The following MACROD2 variants were observed in gnomAD, a reference collection of about 807,000 sequenced individuals.
MACROD2 encodes mono-ADP ribosylhydrolase 2.
In MACROD2, 36 loss-of-function variants were observed where a neutral mutation model predicts 70.4. The observed-to-expected ratio is 0.51, with a 90% CI of 0.39 to 0.68. The LOEUF (loss-of-function observed/expected upper bound fraction) is 0.68. Among genes scored for constraint, MACROD2 ranks in the 30% least tolerant of loss-of-function variants. The pLI is 0.00. For missense variants in MACROD2, 496 were observed against 538.4 expected (o/e 0.92, Z 0.78); for synonymous variants, 172 against 178.8 (o/e 0.96, Z 0.30).
rs190959357 is a variant in MACROD2 at position 14,696,965 on chromosome 20, C to A, written c.418+12006C>A. On this transcript the variant is annotated intron_variant, in intron 5 of 17. Coordinates refer to ENST00000684519, the MANE Select transcript of MACROD2 (RefSeq NM_001351661.2). Reference sequence around the variant, plus strand: ...TACATATACATGTCATCTCTCATGACCTTCATTCTCATGTAGAACATATAT... The same window carrying A: ...TACATATACATGTCATCTCTCATGAACTTCATTCTCATGTAGAACATATAT... Among the ~76,000 whole-genome samples the A allele has an allele frequency of 1.7e-3, 255 of 152,250 alleles. 2 individuals carry two copies. The highest frequency in any genetic ancestry group is 3.0e-3 in the Non-Finnish European group (201 of 68,014).
At chr20:14,866,336 A>G (rs796807239) in intron 5 of MACROD2, among the ~76,000 whole-genome samples, 2 of 152,098 alleles carry the variant, frequency 1.3e-5, no homozygotes, top group South Asian at 4.2e-4. Context: ...ACCTTTAGTT[A>G]ATTGATCACA....
intron 3 of MACROD2, among the ~76,000 whole-genome samples, chr20:14,468,594 C>G (rs2084487972): frequency 6.6e-6 from 1 of 151,734 alleles, no homozygotes; most frequent in Admixed American, 6.6e-5. Flanking sequence ...CTCACTGCAA[C>G]CTCCGCCTCC....
At chr20:15,453,480 T>C (rs2046672670) in intron 7 of MACROD2, among the ~76,000 whole-genome samples, 1 of 152,216 alleles carries the variant, frequency 6.6e-6, no homozygotes, top group Non-Finnish European at 1.5e-5. Flanking sequence ...GCTTGTACAC[T>C]GACTGAATTG....
At chr20:15,809,045 C>T (rs1167393601) in intron 8 of MACROD2, among the ~76,000 whole-genome samples, 1 of 152,210 alleles carries the variant, frequency 6.6e-6, no homozygotes, top group Non-Finnish European at 1.5e-5. Context: ...CAAGAACTAT[C>T]ACTCTTATCC....
At chr20:15,376,253 T>A (rs2045560745) in intron 6 of MACROD2, among the ~76,000 whole-genome samples, 1 of 152,152 alleles carries the variant, frequency 6.6e-6, no homozygotes, top group African/African-American at 2.4e-5. Flanking sequence ...TTATAACTCT[T>A]TGGATGCTTA....
intron 5 of MACROD2, among the ~76,000 whole-genome samples, chr20:14,820,372 T>G (rs1189780086): frequency 6.6e-6 from 1 of 150,950 alleles, no homozygotes; most frequent in East Asian, 1.9e-4. Flanking sequence ...TTTTTTTTTT[T>G]TTTTGTTTTC....
intron 5 of MACROD2, among the ~76,000 whole-genome samples, chr20:14,994,582 C>G (rs2074933776): frequency 6.6e-6 from 1 of 151,734 alleles, no homozygotes; most frequent in Admixed American, 6.6e-5. Flanking sequence ...AAGTGAGATC[C>G]CATCCCCACC....
rs139771329 is a variant in MACROD2, at chr20:15,548,269, A to G, written c.645+48422A>G. On this transcript the variant is annotated intron_variant, in intron 8 of 17. Transcript: ENST00000684519. Reference sequence around the variant, plus strand: ...TCAGAGTTCTAATTAAGGGTTTGAAATGCCACAGTTAAAACATAGTGATTT... The same window carrying G: ...TCAGAGTTCTAATTAAGGGTTTGAAGTGCCACAGTTAAAACATAGTGATTT... Among the ~76,000 whole-genome samples, 171 of 152,342 alleles carry G rather than the reference A, an allele frequency of 1.1e-3. 2 individuals are homozygous for G. Among genetic ancestry groups the G allele is most frequent in the Admixed American group, 8.6e-3 (132 of 15,304 alleles).
intron 5 of MACROD2, among the ~76,000 whole-genome samples, chr20:14,955,572 T>C (rs2074529065): frequency 2.6e-5 from 4 of 152,088 alleles, no homozygotes; most frequent in African/African-American, 7.2e-5. Context: ...GAAGCATTTC[T>C]GAATCATGTG....
chr20:14,197,594 C>T lies in MACROD2; in HGVS notation c.271+111866C>T, dbSNP rs151114780. 9.1e-3 allele frequency among the ~76,000 whole-genome samples: 1,378 copies of T among 152,024 alleles called. 11 individuals are homozygous for T. The highest frequency in any genetic ancestry group is 0.015 in the Non-Finnish European group (992 of 67,978). On this transcript the variant is annotated intron_variant, in intron 3 of 17. Coordinates refer to ENST00000684519, the MANE Select transcript of MACROD2 (RefSeq NM_001351661.2). ...ACCAGCCTGGCCAACATGGTGAAAC[C>T]CTGTCTCTACTAAAATACAAAAATT...
At chr20:15,279,181 G>A (rs897510764) in intron 6 of MACROD2, among the ~76,000 whole-genome samples, 23 of 152,120 alleles carry the variant, frequency 1.5e-4, no homozygotes, top group African/African-American at 4.8e-4. Context: ...TTACATATGG[G>A]GCTTCTTGCA....
At chr20:15,961,657 T>C (rs1404951981) in intron 12 of MACROD2, among the ~76,000 whole-genome samples, 4 of 152,234 alleles carry the variant, frequency 2.6e-5, no homozygotes, top group Non-Finnish European at 5.9e-5. Flanking sequence ...AAGAAGGTTC[T>C]TTCAGTAATA....
intron 5 of MACROD2, among the ~76,000 whole-genome samples, chr20:15,223,737 G>C (rs1482501531): frequency 6.6e-6 from 1 of 152,146 alleles, no homozygotes; most frequent in African/African-American, 2.4e-5. Flanking sequence ...AGCGCCAACT[G>C]TCTGGGGAGT....
chr20:14,390,123 AT>A (rs2083511170), intron 3 of MACROD2, among the ~76,000 whole-genome samples: 1 of 152,230 alleles, frequency 6.6e-6, no homozygotes, highest in South Asian at 2.1e-4. Context: ...TGAGATCCAA[AT>A]AAAGAAGAAA....
intron 3 of MACROD2, among the ~76,000 whole-genome samples, chr20:14,468,617 A>T (rs931566636): frequency 1.3e-5 from 2 of 151,774 alleles, no homozygotes; most frequent in Admixed American, 1.3e-4. Flanking sequence ...GGTTCAAGCA[A>T]TTCTCTGCCT....
chr20:14,683,860 T>C lies in MACROD2; in HGVS notation c.302-983T>C, dbSNP rs552385089. Among the ~76,000 whole-genome samples, 10 of 149,378 alleles carry C rather than the reference T, an allele frequency of 6.7e-5. No individual in the cohort carries two copies. The South Asian group carries it at 1.4e-3, about 21-fold the overall frequency. ...TCTCTTTTCCTTTATTTTATAATCT[T>C]GCTTTTTTTTTCTATCCAAGGGGCC... On this transcript the variant is annotated intron_variant, in intron 4 of 17. Coordinates refer to ENST00000684519, the MANE Select transcript of MACROD2 (RefSeq NM_001351661.2).
At chr20:15,754,689 T>A (rs1295498725) in intron 8 of MACROD2, among the ~76,000 whole-genome samples, 33 of 151,400 alleles carry the variant, frequency 2.2e-4, no homozygotes, top group Non-Finnish European at 4.0e-4. Flanking sequence ...CAATCTTTTT[T>A]TTTTTTTTTT....
chr20:15,214,645 G>A (rs1436001715), intron 5 of MACROD2, among the ~76,000 whole-genome samples: 7 of 152,144 alleles, frequency 4.6e-5, no homozygotes, highest in Admixed American at 3.3e-4. Flanking sequence ...CAATAAAATT[G>A]TCTATGACAA....
chr20:15,696,448 G>T (rs1021846006), intron 8 of MACROD2, among the ~76,000 whole-genome samples: 5 of 152,160 alleles, frequency 3.3e-5, no homozygotes, highest in African/African-American at 1.2e-4. Flanking sequence ...CAGTTAGCTT[G>T]TATTTTGTTA....
Sources: allele counts gnomAD v4.1 joint callset (sites outside exome capture counted in the v4.1 genomes callset), GRCh38; gene constraint gnomAD v4.1.1; transcripts MANE v1.5; gene names NCBI Gene and HGNC (gene_info 2026-07-23, HGNC 2026-07-21).